NAALADL2: variants seen among roughly 807,000 people sequenced by gnomAD.
NAALADL2 encodes inactive N-acetylated-alpha-linked acidic dipeptidase-like protein 2.
NAALADL2 carries 76 observed loss-of-function variants against 87.2 expected under a neutral mutation model. That is an observed-to-expected ratio of 0.87 (90% CI 0.72 to 1.05). The LOEUF (loss-of-function observed/expected upper bound fraction) is 1.05, where lower values mean the gene tolerates loss of function less well. NAALADL2 is among the 50% of genes least tolerant of loss of function. The pLI is 0.00. For missense variants in NAALADL2, 1,089 were observed against 945.8 expected (o/e 1.15, Z -1.99); for synonymous variants, 354 against 331.0 (o/e 1.07, Z -0.75).
intron 1 of NAALADL2, among the ~76,000 whole-genome samples, chr3:174,447,092 C>T (rs1418373863): frequency 6.6e-6 from 1 of 152,164 alleles, no homozygotes; most frequent in Non-Finnish European, 1.5e-5. Flanking sequence ...GTTACTGGCA[C>T]TTGTTGAGAT....
chr3:175,660,110 C>G (rs1342951426), intron 11 of NAALADL2, among the ~76,000 whole-genome samples: 1 of 152,052 alleles, frequency 6.6e-6, no homozygotes, highest in Non-Finnish European at 1.5e-5. Flanking sequence ...GCCAACAAGC[C>G]TCTAGGCCTC....
At chr3:174,987,786 C>T (rs1184481366) in intron 1 of NAALADL2, among the ~76,000 whole-genome samples, 1 of 130,304 alleles carries the variant, frequency 7.7e-6, no homozygotes, top group East Asian at 2.2e-4. Context: ...ACTACCATAC[C>T]TGGTTAATTA....
chr3:174,934,615 C>T (rs1330113259), intron 1 of NAALADL2, among the ~76,000 whole-genome samples: 1 of 151,846 alleles, frequency 6.6e-6, no homozygotes, highest in African/African-American at 2.4e-5. Flanking sequence ...AGTTTGAGAC[C>T]AGCCTGGGCA....
intron 11 of NAALADL2, among the ~76,000 whole-genome samples, chr3:175,715,498 T>C (rs1045221854): frequency 6.6e-6 from 1 of 152,202 alleles, no homozygotes; most frequent in Non-Finnish European, 1.5e-5. Context: ...TAGATGTCTT[T>C]ATTATTTCTC....
chr3:174,566,900 G>A (rs1241532843), intron 2 of NAALADL2, among the ~76,000 whole-genome samples: 1 of 151,326 alleles, frequency 6.6e-6, no homozygotes. Flanking sequence ...CAAAACAAAA[G>A]GTATGTTTTA....
chr3:174,455,336 T>G (rs1279677990), intron 1 of NAALADL2, among the ~76,000 whole-genome samples: 1 of 152,092 alleles, frequency 6.6e-6, no homozygotes, highest in Non-Finnish European at 1.5e-5. Context: ...ACTGAGACTC[T>G]TACAAAAAAC....
chr3:175,030,967 A>G (rs552967603), intron 1 of NAALADL2, among the ~76,000 whole-genome samples: 35 of 152,170 alleles, frequency 2.3e-4, no homozygotes, highest in African/African-American at 7.5e-4. Flanking sequence ...CCTGCAAGCC[A>G]TATCAGTATT....
intron 13 of NAALADL2, among the ~76,000 whole-genome samples, chr3:175,765,981 A>G (rs2150161806): frequency 6.6e-6 from 1 of 152,286 alleles, no homozygotes; most frequent in African/African-American, 2.4e-5. Context: ...AATACTGCAT[A>G]CATTTGATCC....
intron 2 of NAALADL2, among the ~76,000 whole-genome samples, chr3:174,608,726 C>T (rs1323884309): frequency 6.7e-6 from 1 of 148,974 alleles, no homozygotes; most frequent in East Asian, 1.9e-4. Flanking sequence ...CCGAATTCTA[C>T]CAGAGGTACA....
At chr3:175,263,160 G>C (rs1011198777) in intron 4 of NAALADL2, among the ~76,000 whole-genome samples, 13 of 151,820 alleles carry the variant, frequency 8.6e-5, no homozygotes, top group African/African-American at 3.1e-4. Flanking sequence ...TTTCAAATCA[G>C]ACTACTTTCT....
rs1008476334 is a variant in NAALADL2, at chr3:174,698,870, G to GA, written c.-114-38758dup. Among the ~76,000 whole-genome samples, 162 of 82,918 alleles carry GA rather than the reference G, an allele frequency of 2.0e-3. 10 individuals are homozygous for GA. Among genetic ancestry groups the GA allele is most frequent in the Admixed American group, 4.2e-3 (29 of 6,918 alleles). 54.4% of individuals were successfully genotyped at this position (82,918 alleles called of 152,430 possible). Reference sequence around the variant, plus strand: ...CAGAGCGAGACTCCGTCTCAAAGAAGAAAAAAAAAAAAATTCTATTTAGAA... The same window carrying GA: ...CAGAGCGAGACTCCGTCTCAAAGAAGAAAAAAAAAAAAAATTCTATTTAGAA... On this transcript the variant is annotated intron_variant, in intron 2 of 3. Transcript: ENST00000434257.
intron 10 of NAALADL2, among the ~76,000 whole-genome samples, chr3:175,602,930 T>A (rs2149644630): frequency 6.6e-6 from 1 of 152,306 alleles, no homozygotes; most frequent in East Asian, 1.9e-4. Flanking sequence ...GTGTCAGTCA[T>A]TTGTTCTCCC....
intron 2 of NAALADL2, among the ~76,000 whole-genome samples, chr3:174,566,775 A>T (rs531186394): frequency 1.1e-3 from 152 of 141,122 alleles, no homozygotes; most frequent in African/African-American, 3.6e-3. Context: ...TTCATTTTCA[A>T]TTTTTTTTTT....
chr3:175,058,713 G>A (rs1302853502), intron 1 of NAALADL2, among the ~76,000 whole-genome samples: 5 of 152,142 alleles, frequency 3.3e-5, no homozygotes, highest in Non-Finnish European at 2.9e-5. Flanking sequence ...TAGAAAAGAG[G>A]TGGAATTACA....
intron 12 of NAALADL2, among the ~76,000 whole-genome samples, chr3:175,751,989 G>A (rs1746680613): frequency 6.6e-6 from 1 of 151,968 alleles, no homozygotes; most frequent in African/African-American, 2.4e-5. Context: ...GTAAGAAAGT[G>A]AAGGAAATAG....
chr3:175,385,153 C>A (rs1157894245), intron 5 of NAALADL2, among the ~76,000 whole-genome samples: 1 of 152,030 alleles, frequency 6.6e-6, no homozygotes, highest in Non-Finnish European at 1.5e-5. Flanking sequence ...CATAAATAGA[C>A]CACATTTGTC....
At chr3:175,760,862 A>G (rs1397147763) in intron 13 of NAALADL2, among the ~76,000 whole-genome samples, 1 of 152,162 alleles carries the variant, frequency 6.6e-6, no homozygotes, top group East Asian at 1.9e-4. Context: ...ATTTTCTTAA[A>G]CAAATTGATA....
chr3:175,466,768 G>T (rs1724096340), intron 7 of NAALADL2, among the ~76,000 whole-genome samples: 1 of 152,070 alleles, frequency 6.6e-6, no homozygotes, highest in Non-Finnish European at 1.5e-5. Flanking sequence ...CTAAGCTTTG[G>T]ATTCATAATT....
intron 9 of NAALADL2, among the ~76,000 whole-genome samples, chr3:175,474,482 A>G (rs905905557): frequency 6.6e-6 from 1 of 152,196 alleles, no homozygotes; most frequent in Non-Finnish European, 1.5e-5. Context: ...TATCTGGTCT[A>G]TCAGACAACA....
Sources: gnomAD v4.1 joint callset for allele counts (sites outside exome capture counted in the v4.1 genomes callset) on GRCh38, gnomAD v4.1.1 for gene constraint, MANE v1.5 for transcripts, NCBI Gene and HGNC (gene_info 2026-07-23, HGNC 2026-07-21) for gene names.